Variants in DRG2 observed in about 807,000 individuals in gnomAD.
The protein encoded by DRG2 is developmentally-regulated GTP-binding protein 2.
DRG2 carries 36 observed loss-of-function variants against 53.4 expected under a neutral mutation model. The observed-to-expected ratio is 0.67, with a 90% CI of 0.52 to 0.89. The LOEUF (loss-of-function observed/expected upper bound fraction) is 0.89. Ranked by LOEUF, DRG2 falls within the 40% of genes least tolerant of loss-of-function variation. The probability of loss-of-function intolerance (pLI) is 0.00; values close to 1 mark genes in which losing one functional copy is unlikely to be tolerated. For synonymous variants in DRG2, 167 were observed against 192.1 expected, an observed-to-expected ratio of 0.87 and a Z score of 1.08; for missense variants, 342 against 481.2, an observed-to-expected ratio of 0.71 and a Z score of 2.71.
Position 18,093,907 on chromosome 17 carries a change from G to A in DRG2, c.159G>A (p.Glu53=), listed in dbSNP as rs2045381675. ...CCAAATCGGCCTCGTCCAAAGGAGA[G>A]GGCTTTGATGTCATGAAGTCGGGTG... ...EPSKSASSKG[E]GFDVMKSGDA... Residue 53 remains glutamate, a synonymous_variant, in exon 2 of 13, where the codon GAG becomes GAA. Transcript: ENST00000225729. The A allele has an allele frequency of 6.2e-7, 1 of 1,614,090 alleles. No individual in the cohort carries two copies. The highest frequency in any genetic ancestry group is 8.5e-7 in the Non-Finnish European group (1 of 1,180,052).
rs758302638 is a variant in DRG2 at position 18,107,272 on chromosome 17, T to C, written c.*32T>C. ...CTGCCGGGCCTCCCGCCCACCTGCC[T>C]CGTCTCCCTGGGGAGGTGGTCCCAC... On this transcript the variant is annotated 3_prime_UTR_variant, in exon 13 of 13. Coordinates refer to ENST00000225729, the MANE Select transcript of DRG2 (RefSeq NM_001388.5). 1 of 1,605,188 alleles carries C rather than the reference T, an allele frequency of 6.2e-7. No individual in the cohort carries two copies. Among genetic ancestry groups the C allele is most frequent in the Non-Finnish European group, 8.5e-7 (1 of 1,174,940 alleles).
chr17:18,101,585 CTGTA>C lies in DRG2; in HGVS notation c.729_729+3del. On this transcript the variant is annotated frameshift_variant and splice_region_variant, in exon 8 of 13. Transcript: ENST00000225729. LOFTEE classifies it high-confidence loss of function. ...GGGCAACCGGGTGTACATGCCCTGC[CTGTA>C]TGTAAGTGCAGGAGGGGAGCCCTGG... 6.2e-7 allele frequency: 1 copy of C among 1,614,054 alleles called. No individual in the cohort carries two copies. Among genetic ancestry groups the C allele is most frequent in the Non-Finnish European group, 8.5e-7 (1 of 1,179,932 alleles).
rs1229116055 is a variant in DRG2 at position 18,100,120 on chromosome 17, G to A, written c.468-243G>A. On this transcript the variant is annotated intron_variant, in intron 5 of 12. Transcript: ENST00000225729. This position sits in a 1 kb window ranked among gnomAD's most constrained non-coding sequence, Gnocchi z 4.1. ...TACCCTCATGTGGTCACCTCGCGGGGGCTCCACCACTTGCCTGTGCATGCC... is the reference window on the plus strand; with the variant it reads ...TACCCTCATGTGGTCACCTCGCGGGAGCTCCACCACTTGCCTGTGCATGCC... 3.4e-6 allele frequency: 2 copies of A among 594,224 alleles called. No individual in the cohort carries two copies. The highest frequency in any genetic ancestry group is 6.0e-6 in the Non-Finnish European group (2 of 334,120). The allele number at this position is 594,224 out of a possible 1,614,324, so 36.8% of individuals were successfully genotyped here.
intron 2 of DRG2, chr17:18,097,643 A>C (rs1011105557): frequency 6.6e-6 from 1 of 152,298 alleles, no homozygotes; most frequent in African/African-American, 2.4e-5. Context: ...ACATGTAAAG[A>C]CCCTGAACTG....
rs2142198443 is a variant in DRG2, at chr17:18,100,719, G to GT, written c.631+60_631+61insT. 6.6e-7 allele frequency: 1 copy of GT among 1,510,142 alleles called. No individual in the cohort carries two copies. The highest frequency in any genetic ancestry group is 1.4e-5 in the African/African-American group (1 of 72,406). The allele number at this position is 1,510,142 out of a possible 1,614,324, so 93.5% of individuals were successfully genotyped here. ...GCCACCACCGTCAGCGCAGCGGGGGGACTGACTAAGACAGGAGGCCTCATG... is the reference window on the plus strand; with the variant it reads ...GCCACCACCGTCAGCGCAGCGGGGGGTACTGACTAAGACAGGAGGCCTCATG... On this transcript the variant is annotated intron_variant, in intron 7 of 12. Transcript: ENST00000225729. This position sits in a 1 kb window ranked among gnomAD's most constrained non-coding sequence, Gnocchi z 4.1.
intron 1 of DRG2, chr17:18,092,120 G>A (rs2045345316): frequency 6.6e-6 from 1 of 151,128 alleles, no homozygotes; most frequent in Non-Finnish European, 1.5e-5. Flanking sequence ...GGAGAGAATC[G>A]CCAGTGTGAA....
chr17:18,107,543 C>G lies in DRG2; in HGVS notation c.*303C>G. ...ACTGAGGGAGCAAGTTGCCCACATG[C>G]CCGCCAGCCAGGGCCTAAAGCAGAT... On this transcript the variant is annotated 3_prime_UTR_variant, in exon 13 of 13. Coordinates refer to ENST00000225729, the MANE Select transcript of DRG2 (RefSeq NM_001388.5). 2.3e-6 allele frequency: 1 copy of G among 425,822 alleles called. No individual in the cohort carries two copies. Among genetic ancestry groups the G allele is most frequent in the Non-Finnish European group, 4.4e-6 (1 of 229,478 alleles). The allele number at this position is 425,822 out of a possible 1,614,324, so 26.4% of individuals were successfully genotyped here.
chr17:18,100,295 G>C lies in DRG2; in HGVS notation c.468-68G>C. ...CTCTGGGTGGGCAGTGACATCCTGCGTAACAGGGAAGCTGTGCATCTGGCT... is the reference window on the plus strand; with the variant it reads ...CTCTGGGTGGGCAGTGACATCCTGCCTAACAGGGAAGCTGTGCATCTGGCT... On this transcript the variant is annotated intron_variant, in intron 5 of 12. Coordinates refer to ENST00000225729, the MANE Select transcript of DRG2 (RefSeq NM_001388.5). The surrounding 1 kb of genome is among the most constrained non-coding windows in gnomAD (Gnocchi z 4.1). 2.0e-6 allele frequency: 3 copies of C among 1,528,670 alleles called. No homozygotes were observed. The highest frequency in any genetic ancestry group is 2.7e-6 in the Non-Finnish European group (3 of 1,103,648). The allele number at this position is 1,528,670 out of a possible 1,614,324, so 94.7% of individuals were successfully genotyped here. A position where few individuals can be genotyped will look rare whatever the true frequency, so the allele number is the denominator to read the frequency against.
rs8066792 is a variant in DRG2 at position 18,100,794 on chromosome 17, T to C, written c.631+135T>C. ...CCACTGCCCCTGCTGTCCATTCAAG[T>C]AGCCTCTGGGCAAGCTCCAGACTGC... On this transcript the variant is annotated intron_variant, in intron 7 of 12. Transcript: ENST00000225729. This position sits in a 1 kb window ranked among gnomAD's most constrained non-coding sequence, Gnocchi z 4.1. 5,003 of 851,132 alleles carry C rather than the reference T, an allele frequency of 5.9e-3. 186 individuals carry two copies. In the African/African-American group the frequency reaches 0.074, roughly 13 times the overall value. 52.7% of individuals were successfully genotyped at this position (851,132 alleles called of 1,614,324 possible).
At chr17:18,094,132 C>A in intron 2 of DRG2, 159 bp downstream of exon 2, 1 of 946,028 alleles carries the variant, frequency 1.1e-6, no homozygotes, top group Non-Finnish European at 1.5e-6. Flanking sequence ...ATCATCCTAA[C>A]ATGGAGGACG....
rs2045244363 is a variant in DRG2, at chr17:18,087,974, T to C, written c.-50T>C. ...CTCTGTCGCCGCCGTCAGACCGGAATTGCCGGTGCCGCCGCCACCGCTGTC... is the reference window on the plus strand; with the variant it reads ...CTCTGTCGCCGCCGTCAGACCGGAACTGCCGGTGCCGCCGCCACCGCTGTC... On this transcript the variant is annotated 5_prime_UTR_variant, in exon 1 of 13. Coordinates refer to ENST00000225729, the MANE Select transcript of DRG2 (RefSeq NM_001388.5). The C allele has an allele frequency of 6.5e-7, 1 of 1,539,348 alleles. No individual in the cohort carries two copies. The highest frequency in any genetic ancestry group is 8.8e-7 in the Non-Finnish European group (1 of 1,142,140).
At chr17:18,090,383 TATATATATATATATATATA>T (rs1567597938) in intron 1 of DRG2, among the ~76,000 whole-genome samples, 1,120 of 34,624 alleles carry the variant, frequency 0.032, 263 homozygotes, top group East Asian at 0.042. Flanking sequence ...TATATATATA[TATATATATATATATATATA>T]TATATTTTTT....
chr17:18,107,344 C>CTTCCTGGGGT lies in DRG2; in HGVS notation c.*104_*105insTTCCTGGGGT. 5.3e-6 allele frequency: 6 copies of CTTCCTGGGGT among 1,130,766 alleles called. No homozygotes were observed. The highest frequency in any genetic ancestry group is 6.4e-6 in the Non-Finnish European group (5 of 777,930). 70.0% of individuals were successfully genotyped at this position (1,130,766 alleles called of 1,614,324 possible). A position where few individuals can be genotyped will look rare whatever the true frequency, so the allele number is the denominator to read the frequency against. On this transcript the variant is annotated 3_prime_UTR_variant, in exon 13 of 13. Transcript: ENST00000225729. ...CAGAAAAATACAAATACACGTACCC[C>CTTCCTGGGGT]AGGAAGGGGTCCCTCAAGTCTCTGC...
intron 10 of DRG2, among the ~76,000 whole-genome samples, chr17:18,104,281 T>C (rs1217004070): frequency 6.6e-6 from 1 of 152,188 alleles, no homozygotes; most frequent in African/African-American, 2.4e-5. Context: ...ACCCTGACTT[T>C]GGCAAGGAGT....
chr17:18,098,478 A>C lies in DRG2; in HGVS notation c.315+119A>C. 8 of 903,602 alleles carry C rather than the reference A, an allele frequency of 8.9e-6. No homozygotes were observed. Among genetic ancestry groups the C allele is most frequent in the Non-Finnish European group, 1.4e-5 (8 of 559,182 alleles). The allele number at this position is 903,602 out of a possible 1,614,324, so 56.0% of individuals were successfully genotyped here. ...GTCCCCATGTCAGGACAGGCTCTGG[A>C]CTGAGCTGCTTTGCCCTCCAGCACT... On this transcript the variant is annotated intron_variant, in intron 3 of 12. Coordinates refer to ENST00000225729, the MANE Select transcript of DRG2 (RefSeq NM_001388.5). This position sits in a 1 kb window ranked among gnomAD's most constrained non-coding sequence, Gnocchi z 4.1.
chr17:18,103,600 T>C lies in DRG2; in HGVS notation c.807-201T>C, dbSNP rs528947558. Among the ~76,000 whole-genome samples the C allele has an allele frequency of 8.1e-4, 123 of 152,150 alleles. No individual in the cohort carries two copies. The highest frequency in any genetic ancestry group is 1.5e-3 in the Non-Finnish European group (104 of 68,028). The stretch of plus-strand genomic sequence containing the variant: ...CCCCTAGGAGAGATGCTGACCCTGG[T>C]TGAGTGTGACCATGATTGGTGCCCA... On this transcript the variant is annotated intron_variant, in intron 9 of 12. Transcript: ENST00000225729. The surrounding 1 kb of genome is among the most constrained non-coding windows in gnomAD (Gnocchi z 4.4).
In DRG2 at chr17:18,103,767, G is replaced by T. The variant is rs571212789; in HGVS notation, c.807-34G>T. ...GACCCCAGCCTCTGAATTCACAGGG[G>T]CCCCTGCCTGACTGGCCGCCTCCCT... is the stretch of plus-strand genomic sequence containing the variant. On this transcript the variant is annotated intron_variant, in intron 9 of 12. Transcript: ENST00000225729. The surrounding 1 kb of genome is among the most constrained non-coding windows in gnomAD (Gnocchi z 4.4). The T allele has an allele frequency of 1.2e-6, 2 of 1,608,464 alleles. No individual in the cohort carries two copies. The highest frequency in any genetic ancestry group is 1.7e-6 in the Non-Finnish European group (2 of 1,175,150).
chr17:18,090,395 TA>T (rs1567598090), intron 1 of DRG2, among the ~76,000 whole-genome samples: 17 of 15,040 alleles, frequency 1.1e-3, no homozygotes, highest in African/African-American at 6.3e-3. Flanking sequence ...TATATATATA[TA>T]TATATATATA....
rs1446844030 is a variant in DRG2, at chr17:18,097,034, T to G, written c.226-1236T>G. 3 of 152,218 alleles carry G rather than the reference T, an allele frequency of 2.0e-5. No homozygotes were observed. The East Asian group carries it at 5.8e-4, about 29-fold the overall frequency. 9.4% of individuals were successfully genotyped at this position (152,218 alleles called of 1,614,324 possible). A position where few individuals can be genotyped will look rare whatever the true frequency, so the allele number is the denominator to read the frequency against. On this transcript the variant is annotated intron_variant, in intron 2 of 12. Coordinates refer to ENST00000225729, the MANE Select transcript of DRG2 (RefSeq NM_001388.5). ...TCTAGTTACCAAGAGCCGTGACCCT[T>G]GAAGTCTGGGCCCATGGCAGATCCC...
Sources: allele counts gnomAD v4.1 joint callset (sites outside exome capture counted in the v4.1 genomes callset), GRCh38; gene constraint gnomAD v4.1.1; non-coding constraint Gnocchi (gnomAD v3.1); transcripts MANE v1.5; gene names NCBI Gene and HGNC (gene_info 2026-07-23, HGNC 2026-07-21).